The following PTPRD variants were observed in gnomAD, a reference collection of about 807,000 sequenced individuals.
PTPRD encodes the protein receptor-type tyrosine-protein phosphatase delta.
A neutral mutation model predicts 214.5 loss-of-function variants in PTPRD; 34 were observed. That is an observed-to-expected ratio of 0.16 (90% confidence interval 0.12 to 0.21). The LOEUF (loss-of-function observed/expected upper bound fraction) is 0.21. Among genes scored for constraint, PTPRD ranks in the 10% least tolerant of loss-of-function variants. PTPRD has a pLI of 1.00. For missense variants in PTPRD, 2,545 were observed against 2,398.7 expected, an observed-to-expected ratio of 1.06 and a Z score of -1.27; for synonymous variants, 1,128 against 845.7, an observed-to-expected ratio of 1.33 and a Z score of -5.79.
At chr9:8,793,729 T>C (rs2096311048) in intron 11 of PTPRD, among the ~76,000 whole-genome samples, 1 of 152,166 alleles carries the variant, frequency 6.6e-6, no homozygotes, top group South Asian at 2.1e-4. Context: ...ACTGACAACA[T>C]TTGCGCATGT....
At chr9:10,574,538 A>C (rs1187962661) in intron 2 of PTPRD, among the ~76,000 whole-genome samples, 2 of 152,020 alleles carry the variant, frequency 1.3e-5, no homozygotes, top group East Asian at 3.9e-4. Flanking sequence ...AGAAAGGAAA[A>C]AAAATATATC....
At chr9:10,032,498 C>T (rs1051939221) in intron 4 of PTPRD, among the ~76,000 whole-genome samples, 1 of 152,128 alleles carries the variant, frequency 6.6e-6, no homozygotes, top group African/African-American at 2.4e-5. Context: ...CTTTCCAGAA[C>T]AGTAATATTC....
intron 34 of PTPRD, among the ~76,000 whole-genome samples, chr9:8,444,045 GTCTC>G (rs151269125): frequency 6.6e-6 from 1 of 152,092 alleles, no homozygotes; most frequent in African/African-American, 2.4e-5. Flanking sequence ...CTGTAATTGG[GTCTC>G]TCTATCAAAA....
chr9:10,259,972 G>A (rs549345684), intron 3 of PTPRD, among the ~76,000 whole-genome samples: 3 of 152,308 alleles, frequency 2.0e-5, no homozygotes, highest in South Asian at 2.1e-4. Context: ...CAGTGGAGCT[G>A]AGTTCATCTC....
At chr9:9,373,599 G>A (rs2060077204) in intron 9 of PTPRD, among the ~76,000 whole-genome samples, 2 of 151,892 alleles carry the variant, frequency 1.3e-5, no homozygotes, top group African/African-American at 4.8e-5. Flanking sequence ...CTTGACTTAT[G>A]GTCACCTCAC....
intron 11 of PTPRD, among the ~76,000 whole-genome samples, chr9:8,801,586 C>A (rs1397088924): frequency 6.6e-6 from 1 of 152,112 alleles, no homozygotes; most frequent in Non-Finnish European, 1.5e-5. Context: ...CATGGTGGCA[C>A]ATGCCTGTAA....
At chr9:9,962,705 T>G (rs1486608356) in intron 4 of PTPRD, among the ~76,000 whole-genome samples, 1 of 152,122 alleles carries the variant, frequency 6.6e-6, no homozygotes, top group East Asian at 1.9e-4. Context: ...TGTATGTATC[T>G]ACATCTTATC....
intron 9 of PTPRD, among the ~76,000 whole-genome samples, chr9:9,259,343 G>T (rs1594725774): frequency 2.0e-5 from 3 of 151,996 alleles, no homozygotes; most frequent in Admixed American, 1.3e-4. Flanking sequence ...AGGGCAGACA[G>T]ACTATAAAAC....
At chr9:10,419,049 GCATTAGGGCTGAAGTACT>G (rs2098521720) in intron 2 of PTPRD, among the ~76,000 whole-genome samples, 1 of 151,844 alleles carries the variant, frequency 6.6e-6, no homozygotes, top group African/African-American at 2.4e-5. Context: ...ACTAAGCCTG[GCATTAGGGCTGAAGTACT>G]CTTAGCCCCA....
intron 2 of PTPRD, among the ~76,000 whole-genome samples, chr9:10,424,106 T>G (rs534611247): frequency 4.0e-4 from 61 of 152,096 alleles, no homozygotes; most frequent in Admixed American, 2.8e-3. Flanking sequence ...ATGTGTGCCT[T>G]ACAGTTCAAA....
intron 3 of PTPRD, among the ~76,000 whole-genome samples, chr9:10,295,596 ACT>A (rs1334860709): frequency 6.6e-6 from 1 of 151,804 alleles, no homozygotes; most frequent in Non-Finnish European, 1.5e-5. Flanking sequence ...TGTTTACATC[ACT>A]CTCTGTTTCC....
intron 3 of PTPRD, among the ~76,000 whole-genome samples, chr9:10,273,291 C>T (rs768044776): frequency 3.9e-5 from 6 of 152,078 alleles, no homozygotes; most frequent in Non-Finnish European, 8.8e-5. Context: ...TATTGCCACA[C>T]CATGGGGTAC....
chr9:8,341,512 G>C (rs1389072814), intron 40 of PTPRD, among the ~76,000 whole-genome samples, 181 bp downstream of exon 40: 2 of 152,022 alleles, frequency 1.3e-5, no homozygotes, highest in Admixed American at 1.3e-4. Context: ...TCAAGATATT[G>C]TTAGGAAGCA....
intron 9 of PTPRD, among the ~76,000 whole-genome samples, chr9:9,343,674 C>T (rs186473867): frequency 1.0e-3 from 159 of 151,676 alleles, no homozygotes; most frequent in African/African-American, 3.7e-3. Flanking sequence ...ATCAAACAAG[C>T]AGTGCTATGA....
intron 21 of PTPRD, among the ~76,000 whole-genome samples, chr9:8,510,208 C>T (rs2097649261): frequency 6.6e-6 from 1 of 152,142 alleles, no homozygotes; most frequent in South Asian, 2.1e-4. Context: ...GAGAGGATCA[C>T]TTGAGTCCAG....
chr9:9,727,128 G>A (rs866816706), intron 7 of PTPRD, among the ~76,000 whole-genome samples: 35 of 152,126 alleles, frequency 2.3e-4, no homozygotes, highest in African/African-American at 8.4e-4. Flanking sequence ...TTAGCAATAT[G>A]ATAGATAATG....
At chr9:10,481,416 A>G (rs1161953486) in intron 2 of PTPRD, among the ~76,000 whole-genome samples, 1 of 152,230 alleles carries the variant, frequency 6.6e-6, no homozygotes, top group Non-Finnish European at 1.5e-5. Flanking sequence ...AAACATATTC[A>G]TAGATATCAC....
At chr9:8,451,550 C>G (rs185290505) in intron 33 of PTPRD, among the ~76,000 whole-genome samples, 1 of 152,332 alleles carries the variant, frequency 6.6e-6, no homozygotes, top group East Asian at 1.9e-4. Flanking sequence ...GGCAATGTCA[C>G]TGTGTCTGTG....
intron 2 of PTPRD, among the ~76,000 whole-genome samples, chr9:10,447,251 G>C (rs1050558911): frequency 5.3e-5 from 8 of 151,956 alleles, no homozygotes; most frequent in African/African-American, 7.3e-5. Flanking sequence ...TAATTTTGTA[G>C]TCTACACTTG....
Sources: allele counts gnomAD v4.1 joint callset (sites outside exome capture counted in the v4.1 genomes callset), GRCh38; gene constraint gnomAD v4.1.1; transcripts MANE v1.5; gene names NCBI Gene and HGNC (gene_info 2026-07-23, HGNC 2026-07-21).